The following POLK variants were observed in gnomAD, a reference collection of about 807,000 sequenced individuals.
The protein encoded by POLK is DNA polymerase kappa.
In POLK, 76 loss-of-function variants were observed where a neutral mutation model predicts 94.0. The observed-to-expected ratio is 0.81, with a 90% confidence interval of 0.67 to 0.98. POLK has a LOEUF of 0.98. Among genes scored for constraint, POLK ranks in the 50% least tolerant of loss-of-function variants. The probability of loss-of-function intolerance (pLI) is 0.00; values close to 1 mark genes in which losing one functional copy is unlikely to be tolerated. For missense variants in POLK, 954 were observed against 1,010.1 expected (o/e 0.94, Z 0.75); for synonymous variants, 349 against 325.4 (o/e 1.07, Z -0.78).
rs769902414 is a variant in POLK at position 75,552,431 on chromosome 5, T to C, written c.136-41T>C. ...GGTTATACTACAGTGATGCTTTCCT[T>C]CAGACATTTTTCTTATGCTTTGTTT... is the stretch of plus-strand genomic sequence containing the variant. On this transcript the variant is annotated intron_variant, in intron 2 of 14. Transcript: ENST00000241436. 2.1e-5 allele frequency: 34 copies of C among 1,591,592 alleles called. No homozygotes were observed. The East Asian group carries it at 7.0e-4, about 33-fold the overall frequency.
chr5:75,608,659 C>T, the POLK span, among the ~76,000 whole-genome samples: 8 of 152,018 alleles, frequency 5.3e-5, no homozygotes, highest in East Asian at 7.7e-4. Context: ...TAAGATGATC[C>T]GAGAAGGCTC....
At chr5:75,558,032 A>T (rs1581013723) in intron 3 of POLK, among the ~76,000 whole-genome samples, 1 of 152,058 alleles carries the variant, frequency 6.6e-6, no homozygotes, top group African/African-American at 2.4e-5. Context: ...CAAGTGATCC[A>T]CCTGCCTCGG....
At chr5:75,541,865 T>G (rs1769759603) in intron 1 of POLK, among the ~76,000 whole-genome samples, 2 of 152,220 alleles carry the variant, frequency 1.3e-5, no homozygotes, top group South Asian at 4.1e-4. Flanking sequence ...GTATGTAAAA[T>G]AATTGAAGAA....
At chr5:75,595,271 A>AAAAAAAAAAAAAAAACAAAAAC (rs1773015320) in intron 12 of POLK, among the ~76,000 whole-genome samples, 1 of 149,036 alleles carries the variant, frequency 6.7e-6, no homozygotes, top group African/African-American at 2.5e-5. Context: ...AAAAAAAAAA[A>AAAAAAAAAAAAAAAACAAAAAC]AAGCCCAAGA....
At chr5:75,542,443 T>C (rs1450781036) in intron 1 of POLK, among the ~76,000 whole-genome samples, 1 of 151,912 alleles carries the variant, frequency 6.6e-6, no homozygotes, top group Non-Finnish European at 1.5e-5. Context: ...TGTGGTTTTT[T>C]ATATAGCTTT....
chr5:75,511,443 G>C (rs976688356), upstream of POLK: 3 of 1,527,686 alleles, frequency 2.0e-6, no homozygotes, highest in Non-Finnish European at 2.6e-6. Context: ...CCAGCCGTCA[G>C]CCGCCGCCGC....
chr5:75,529,649 A>AT (rs983382943), intron 1 of POLK, among the ~76,000 whole-genome samples: 3 of 152,150 alleles, frequency 2.0e-5, no homozygotes, highest in South Asian at 2.1e-4. Flanking sequence ...TTTTAAAAAA[A>AT]TTTTTTATAT....
At chr5:75,602,438 G>A (rs1773315573), downstream of POLK, among the ~76,000 whole-genome samples, 1 of 152,198 alleles carries the variant, frequency 6.6e-6, no homozygotes. Context: ...CCAGGAGCTA[G>A]TCAAGGAAGG....
intron 3 of POLK, among the ~76,000 whole-genome samples, chr5:75,556,830 G>C (rs1416079322): frequency 6.6e-6 from 1 of 152,140 alleles, no homozygotes; most frequent in African/African-American, 2.4e-5. Context: ...GGGAGACCAA[G>C]GTGGGAAGAT....
chr5:75,511,683 C>A, upstream of POLK: 3 of 1,533,104 alleles, frequency 2.0e-6, no homozygotes, highest in South Asian at 3.7e-5. Flanking sequence ...TTCTCCCCCA[C>A]TACTCCCCGC....
exon 2 of POLK, chr5:75,547,027 A>C: frequency 6.7e-7 from 1 of 1,501,054 alleles, no homozygotes; most frequent in South Asian, 1.3e-5. Context: ...TATACCATGG[A>C]TAGCACAAAG....
intron 1 of POLK, among the ~76,000 whole-genome samples, chr5:75,519,689 G>T (rs1768480513): frequency 6.6e-6 from 1 of 152,098 alleles, no homozygotes; most frequent in Admixed American, 6.5e-5. Context: ...TGATATGTTA[G>T]CTACTCCTGC....
At chr5:75,548,982 C>T (rs905373420) in intron 2 of POLK, among the ~76,000 whole-genome samples, 4 of 151,842 alleles carry the variant, frequency 2.6e-5, no homozygotes, top group South Asian at 2.1e-4. Context: ...AAATGCATAC[C>T]GAAATCTTCT....
chr5:75,546,584 A>G (rs1185595464), intron 1 of POLK, among the ~76,000 whole-genome samples: 2 of 151,852 alleles, frequency 1.3e-5, no homozygotes, highest in African/African-American at 2.4e-5. Flanking sequence ...TTTTTTATTG[A>G]TGCATAACGG....
intron 8 of POLK, among the ~76,000 whole-genome samples, chr5:75,583,834 A>T (rs1434692555): frequency 1.3e-5 from 2 of 152,144 alleles, no homozygotes; most frequent in Admixed American, 1.3e-4. Context: ...TGCCATTTTT[A>T]AAATGGTAAA....
chr5:75,537,836 TTTTTTTTA>T (rs2112596463), intron 1 of POLK, among the ~76,000 whole-genome samples: 2 of 151,908 alleles, frequency 1.3e-5, no homozygotes, highest in South Asian at 2.1e-4. Flanking sequence ...TCAAATTTTG[TTTTTTTTA>T]TTTTTTTATT....
chr5:75,603,930 C>T (rs958045765), downstream of POLK, among the ~76,000 whole-genome samples: 6 of 152,190 alleles, frequency 3.9e-5, no homozygotes, highest in African/African-American at 1.2e-4. Flanking sequence ...GCATGGCCCC[C>T]GATGTTGGTT....
In POLK at chr5:75,572,572, A is replaced by G. The variant is rs75396020; in HGVS notation, c.409-1166A>G. On this transcript the variant is annotated intron_variant, in intron 4 of 14. Transcript: ENST00000241436. ...CTTTCATGTAACATAACTCACTATCATCCAAATTTTGATATTCATTCTATA... is the reference window on the plus strand; with the variant it reads ...CTTTCATGTAACATAACTCACTATCGTCCAAATTTTGATATTCATTCTATA... 7.6e-3 allele frequency among the ~76,000 whole-genome samples: 1,162 copies of G among 152,300 alleles called. 15 individuals carry two copies. Among genetic ancestry groups the G allele is most frequent in the African/African-American group, 0.027 (1,116 of 41,572 alleles).
intron 1 of POLK, among the ~76,000 whole-genome samples, chr5:75,520,296 T>A (rs550289225): frequency 1.1e-4 from 16 of 152,372 alleles, no homozygotes; most frequent in Admixed American, 6.5e-4. Context: ...GTTTGTCTTT[T>A]AGACTTCATA....
Sources: gnomAD v4.1 joint callset for allele counts (sites outside exome capture counted in the v4.1 genomes callset) on GRCh38, gnomAD v4.1.1 for gene constraint, MANE v1.5 for transcripts, NCBI Gene and HGNC (gene_info 2026-07-23, HGNC 2026-07-21) for gene names.